The following FAT3 variants were observed in gnomAD, a reference collection of about 807,000 sequenced individuals.
FAT3 encodes FAT atypical cadherin 3.
A neutral mutation model predicts 310.2 loss-of-function variants in FAT3; 95 were observed. The ratio of observed to expected loss-of-function variants is 0.31; its 90% CI spans 0.26 to 0.36. FAT3 has a LOEUF of 0.36. FAT3 is among the 10% of genes least tolerant of loss of function. The probability of loss-of-function intolerance (pLI) is 1.00; values close to 1 mark genes in which losing one functional copy is unlikely to be tolerated. For synonymous variants in FAT3, 2,314 were observed against 2,192.9 expected (o/e 1.06, Z -1.54); for missense variants, 5,408 against 5,715.6 (o/e 0.95, Z 1.74).
chr11:92,508,663 T>C (rs1953193031), intron 2 of FAT3, among the ~76,000 whole-genome samples: 1 of 152,140 alleles, frequency 6.6e-6, no homozygotes, highest in Non-Finnish European at 1.5e-5. Flanking sequence ...GCACCAAGGA[T>C]TTGCCCAAGT....
At chr11:92,729,529 C>T (rs1945108732) in intron 4 of FAT3, among the ~76,000 whole-genome samples, 1 of 151,074 alleles carries the variant, frequency 6.6e-6, no homozygotes, top group South Asian at 2.1e-4. Context: ...CGGGTTCAAG[C>T]AATTCTCCTG....
chr11:92,466,650 T>A (rs1473334847), intron 2 of FAT3, among the ~76,000 whole-genome samples: 2 of 151,698 alleles, frequency 1.3e-5, no homozygotes, highest in African/African-American at 4.8e-5. Context: ...ATTACATATG[T>A]ATACATGTGC....
At chr11:92,676,043 A>T (rs139251741) in intron 3 of FAT3, among the ~76,000 whole-genome samples, 149 of 152,308 alleles carry the variant, frequency 9.8e-4, no homozygotes, top group African/African-American at 3.3e-3. Flanking sequence ...GAGGGTGGCA[A>T]TGAGCATAGA....
intron 3 of FAT3, among the ~76,000 whole-genome samples, chr11:92,616,250 T>C (rs531533885): frequency 7.2e-4 from 110 of 152,322 alleles, no homozygotes; most frequent in Admixed American, 3.5e-3. Context: ...TTTGTCTCTT[T>C]TGATCTTTGT....
chr11:92,735,318 C>T (rs959380563), intron 4 of FAT3, among the ~76,000 whole-genome samples: 5 of 152,108 alleles, frequency 3.3e-5, no homozygotes, highest in African/African-American at 1.2e-4. Flanking sequence ...TGGCAGTTCA[C>T]ATAAGGGTCT....
intron 2 of FAT3, among the ~76,000 whole-genome samples, chr11:92,367,651 A>G (rs980494448): frequency 6.6e-6 from 1 of 152,106 alleles, no homozygotes; most frequent in African/African-American, 2.4e-5. Context: ...ACAACAAAAA[A>G]AAACTGATAG....
At chr11:92,592,026 T>G (rs1939449690) in intron 3 of FAT3, among the ~76,000 whole-genome samples, 1 of 152,096 alleles carries the variant, frequency 6.6e-6, no homozygotes, top group African/African-American at 2.4e-5. Flanking sequence ...ACCATGGACT[T>G]TAGTTAAAAA....
At chr11:92,790,444 C>T (rs953857471) in intron 8 of FAT3, among the ~76,000 whole-genome samples, 1 of 152,168 alleles carries the variant, frequency 6.6e-6, no homozygotes, top group Non-Finnish European at 1.5e-5. Context: ...ATAAGTTCTG[C>T]AGCAATGGCT....
chr11:92,778,214 G>A (rs1338081069), intron 7 of FAT3, among the ~76,000 whole-genome samples: 5 of 152,244 alleles, frequency 3.3e-5, no homozygotes, highest in Non-Finnish European at 2.9e-5. Flanking sequence ...CAGGATGGCC[G>A]CCTTTAGTGG....
intron 21 of FAT3, among the ~76,000 whole-genome samples, chr11:92,864,827 G>C (rs1416722676): frequency 1.3e-5 from 2 of 152,092 alleles, no homozygotes; most frequent in East Asian, 3.9e-4. Context: ...AAAAAAAGAA[G>C]AAGAAAGAAA....
At chr11:92,844,909 CTG>C (rs1351461588) in intron 19 of FAT3, among the ~76,000 whole-genome samples, 177 bp downstream of exon 19, 1 of 152,250 alleles carries the variant, frequency 6.6e-6, no homozygotes, top group Non-Finnish European at 1.5e-5. Context: ...TCCCATGTAG[CTG>C]TGCCTAAGTG....
intron 1 of FAT3, among the ~76,000 whole-genome samples, chr11:92,237,805 G>A (rs570451678): frequency 1.3e-5 from 2 of 152,228 alleles, no homozygotes; most frequent in East Asian, 3.9e-4. Context: ...GAATAATTTA[G>A]CATCTTGAAG....
chr11:92,644,354 G>T (rs1402198519), intron 3 of FAT3, among the ~76,000 whole-genome samples: 1 of 152,164 alleles, frequency 6.6e-6, no homozygotes, highest in Non-Finnish European at 1.5e-5. Flanking sequence ...TAATCATAAT[G>T]CTAAATTTTG....
At chr11:92,677,978 A>C (rs1943344517) in intron 3 of FAT3, among the ~76,000 whole-genome samples, 1 of 152,154 alleles carries the variant, frequency 6.6e-6, no homozygotes, top group Non-Finnish European at 1.5e-5. Flanking sequence ...TAAATGAAGG[A>C]GTGGTCCCAA....
chr11:92,274,681 T>A (rs958303903), intron 1 of FAT3, among the ~76,000 whole-genome samples: 9 of 152,160 alleles, frequency 5.9e-5, no homozygotes, highest in Admixed American at 2.0e-4. Context: ...TTTTTCTATT[T>A]CTGTGTTTTC....
At chr11:92,823,921 TA>T in intron 13 of FAT3, among the ~76,000 whole-genome samples, 1 of 152,210 alleles carries the variant, frequency 6.6e-6, no homozygotes, top group Non-Finnish European at 1.5e-5. Context: ...TATTTCATAT[TA>T]TCCACAGGCA....
At chr11:92,567,267 CA>C (rs898130255) in intron 3 of FAT3, among the ~76,000 whole-genome samples, 3 of 129,192 alleles carry the variant, frequency 2.3e-5, no homozygotes, top group African/African-American at 9.1e-5. Context: ...TTTATGCAGC[CA>C]AAAAACACAT....
At chr11:92,370,962 A>G (rs1949170643) in intron 2 of FAT3, among the ~76,000 whole-genome samples, 1 of 152,242 alleles carries the variant, frequency 6.6e-6, no homozygotes, top group Non-Finnish European at 1.5e-5. Flanking sequence ...AGTTTGCACT[A>G]ATATACATTA....
chr11:92,577,790 A>G (rs1199981530), intron 3 of FAT3, among the ~76,000 whole-genome samples: 1 of 152,118 alleles, frequency 6.6e-6, no homozygotes, highest in Non-Finnish European at 1.5e-5. Context: ...GCCTATTCCA[A>G]AGGAAAAAAA....
Sources: gnomAD v4.1 joint callset for allele counts (sites outside exome capture counted in the v4.1 genomes callset) on GRCh38, gnomAD v4.1.1 for gene constraint, MANE v1.5 for transcripts, NCBI Gene and HGNC (gene_info 2026-07-23, HGNC 2026-07-21) for gene names.